Variants in TSPAN11 observed in about 807,000 individuals in gnomAD.
TSPAN11 encodes tetraspanin 11, also known as tetraspanin-11.
In TSPAN11, 29 loss-of-function variants were observed where a neutral mutation model predicts 32.9. The observed-to-expected ratio is 0.88, with a 90% CI of 0.66 to 1.20. The LOEUF is 1.20. Ranked by LOEUF, TSPAN11 falls within the 50% of genes most tolerant of loss-of-function variation. The pLI is 0.00. For synonymous variants in TSPAN11, 140 were observed against 141.3 expected, an observed-to-expected ratio of 0.99 and a Z score of 0.07; for missense variants, 283 against 329.1, an observed-to-expected ratio of 0.86 and a Z score of 1.08.
chr12:30,965,387 G>A (rs555595433), intron 3 of TSPAN11, among the ~76,000 whole-genome samples: 5 of 152,080 alleles, frequency 3.3e-5, no homozygotes, highest in Admixed American at 1.3e-4. Flanking sequence ...CCTTCCTTCC[G>A]TCGGGTCATC....
chr12:30,977,416 G>A (rs953442588), intron 3 of TSPAN11, among the ~76,000 whole-genome samples: 1 of 152,224 alleles, frequency 6.6e-6, no homozygotes, highest in Non-Finnish European at 1.5e-5. Flanking sequence ...CAGTGACCAC[G>A]GGTAGCTGCC....
downstream of TSPAN11, among the ~76,000 whole-genome samples, chr12:31,001,227 C>G (rs771972194): frequency 1.3e-5 from 2 of 152,220 alleles, no homozygotes; most frequent in Non-Finnish European, 2.9e-5. Flanking sequence ...GCAGTGTCTC[C>G]AGATAGTCCC....
At chr12:30,988,708 G>A (rs1939252917) in intron 7 of TSPAN11, 1 of 152,204 alleles carries the variant, frequency 6.6e-6, no homozygotes, top group African/African-American at 2.4e-5. Context: ...CCTCCCAGCT[G>A]GGTCAAACAT....
chr12:31,007,135 G>T, the TSPAN11 span, among the ~76,000 whole-genome samples: 1 of 150,402 alleles, frequency 6.6e-6, no homozygotes, highest in Non-Finnish European at 1.5e-5. Context: ...GTGTAGACTC[G>T]CTGTCCACCC....
chr12:30,959,301 C>T (rs1938562634), intron 2 of TSPAN11, among the ~76,000 whole-genome samples: 1 of 152,046 alleles, frequency 6.6e-6, no homozygotes, highest in Non-Finnish European at 1.5e-5. Context: ...CTGCCCAGGA[C>T]AGAGCAGGTG....
chr12:31,010,728 C>A, the TSPAN11 span, among the ~76,000 whole-genome samples: 2 of 152,076 alleles, frequency 1.3e-5, no homozygotes, highest in African/African-American at 4.8e-5. Flanking sequence ...CCTGGGAGGT[C>A]AAGGCTGCAA....
At chr12:31,003,133 C>T in the TSPAN11 span, among the ~76,000 whole-genome samples, 1 of 152,208 alleles carries the variant, frequency 6.6e-6, no homozygotes, top group Non-Finnish European at 1.5e-5. Flanking sequence ...TGAACTAACT[C>T]TGATGTTGGC....
chr12:31,011,052 A>G, the TSPAN11 span, among the ~76,000 whole-genome samples: 1 of 152,234 alleles, frequency 6.6e-6, no homozygotes, highest in African/African-American at 2.4e-5. Flanking sequence ...GTACATTTTC[A>G]TATAAGATCT....
chr12:31,001,197 G>A (rs1939474668), downstream of TSPAN11, among the ~76,000 whole-genome samples: 2 of 152,166 alleles, frequency 1.3e-5, no homozygotes, highest in South Asian at 4.1e-4. Flanking sequence ...CCTTGACCAG[G>A]TTTTCAAGGT....
intron 2 of TSPAN11, among the ~76,000 whole-genome samples, chr12:30,960,449 TC>T (rs1212512039): frequency 2.0e-5 from 3 of 151,962 alleles, no homozygotes; most frequent in Non-Finnish European, 2.9e-5. Flanking sequence ...TTTCCTTCCT[TC>T]ATTGCAGAAG....
chr12:30,935,545 G>A (rs751497988), intron 1 of TSPAN11, among the ~76,000 whole-genome samples: 6 of 151,856 alleles, frequency 4.0e-5, no homozygotes, highest in Non-Finnish European at 5.9e-5. Flanking sequence ...CAACATGCCC[G>A]GCTAGTTTTT....
chr12:30,957,877 C>T lies in TSPAN11; in HGVS notation c.84+3802C>T, dbSNP rs151016144. The stretch of plus-strand genomic sequence containing the variant: ...CTTCCTTCCTTCCCTCCCTCCCTCC[C>T]TCCTTCCTTCCTTCCTTCCTTACAT... On this transcript the variant is annotated intron_variant, in intron 2 of 7. Transcript: ENST00000546076. 9.8e-3 allele frequency among the ~76,000 whole-genome samples: 1,087 copies of T among 110,400 alleles called. 169 individuals are homozygous for T. The highest frequency in any genetic ancestry group is 0.035 in the African/African-American group (970 of 27,440). 72.4% of individuals were successfully genotyped at this position (110,400 alleles called of 152,430 possible). A position where few individuals can be genotyped will look rare whatever the true frequency, so the allele number is the denominator to read the frequency against.
intron 3 of TSPAN11, among the ~76,000 whole-genome samples, chr12:30,969,551 C>T (rs1012665559): frequency 1.3e-5 from 2 of 152,186 alleles, no homozygotes; most frequent in Admixed American, 6.5e-5. Flanking sequence ...AAGAGCTGAC[C>T]GCTCAAGAGA....
chr12:30,958,922 G>A (rs1044016313), intron 2 of TSPAN11, among the ~76,000 whole-genome samples: 3 of 152,232 alleles, frequency 2.0e-5, no homozygotes, highest in South Asian at 2.1e-4. Context: ...TACCGAGGGC[G>A]CAACCCCAGC....
At position 30,983,048 on chromosome 12, in the gene TSPAN11, T is replaced by C. The variant is rs1305136394; in HGVS notation, c.616-16T>C. Reference sequence around the variant, plus strand: ...GCTCCTGGGCCATGGCCGCATCACCTGCCCTTCTCTTACAGGGAGGCTGCC... The same window carrying C: ...GCTCCTGGGCCATGGCCGCATCACCCGCCCTTCTCTTACAGGGAGGCTGCC... On this transcript the variant is annotated splice_polypyrimidine_tract_variant and intron_variant, in intron 6 of 7. Coordinates refer to ENST00000546076, the MANE Select transcript of TSPAN11 (RefSeq NM_001370302.1). 6.2e-7 allele frequency: 1 copy of C among 1,610,552 alleles called. No individual in the cohort carries two copies. The highest frequency in any genetic ancestry group is 1.7e-5 in the Admixed American group (1 of 59,866).
chr12:30,971,844 A>G (rs912155986), intron 3 of TSPAN11, among the ~76,000 whole-genome samples: 3 of 16,906 alleles, frequency 1.8e-4, no homozygotes, highest in African/African-American at 3.0e-4. Context: ...GGCCTCGTGT[A>G]AAAAAAAAAA....
At chr12:31,005,192 A>T in the TSPAN11 span, among the ~76,000 whole-genome samples, 1 of 152,254 alleles carries the variant, frequency 6.6e-6, no homozygotes, top group Non-Finnish European at 1.5e-5. Context: ...AAAGTTATCA[A>T]TCAGACAGCC....
At chr12:30,940,171 A>C (rs1040946818) in intron 1 of TSPAN11, among the ~76,000 whole-genome samples, 1 of 152,208 alleles carries the variant, frequency 6.6e-6, no homozygotes, top group African/African-American at 2.4e-5. Flanking sequence ...CAATGGCCTG[A>C]GTTTCACTTC....
intron 3 of TSPAN11, among the ~76,000 whole-genome samples, chr12:30,968,554 T>A (rs897981662): frequency 7.2e-5 from 11 of 152,216 alleles, no homozygotes; most frequent in African/African-American, 2.7e-4. Context: ...AGAGAGATAA[T>A]TCAGGCCATC....
Sources: allele counts gnomAD v4.1 joint callset (sites outside exome capture counted in the v4.1 genomes callset), GRCh38; gene constraint gnomAD v4.1.1; transcripts MANE v1.5; gene names NCBI Gene and HGNC (gene_info 2026-07-23, HGNC 2026-07-21).